The following NRXN1 variants were observed in gnomAD, a reference collection of about 807,000 sequenced individuals.
NRXN1 encodes the protein neurexin 1.
A neutral mutation model predicts 150.9 loss-of-function variants in NRXN1; 39 were observed. That is an observed-to-expected ratio of 0.26 (90% CI 0.20 to 0.34). The LOEUF (loss-of-function observed/expected upper bound fraction) is 0.34, where lower values mean the gene tolerates loss of function less well. Ranked by LOEUF, NRXN1 falls within the 10% of genes least tolerant of loss-of-function variation. The probability of loss-of-function intolerance (pLI) is 1.00; values close to 1 mark genes in which losing one functional copy is unlikely to be tolerated. For synonymous variants in NRXN1, 924 were observed against 757.0 expected, an observed-to-expected ratio of 1.22 and a Z score of -3.62; for missense variants, 1,815 against 1,949.9, an observed-to-expected ratio of 0.93 and a Z score of 1.30.
At chr2:50,490,747 C>G (rs2111068) in intron 15 of NRXN1, among the ~76,000 whole-genome samples, 39,751 of 151,956 alleles carry the variant, frequency 0.26, 6,129 homozygotes, top group South Asian at 0.35. Flanking sequence ...GATTAGGGAG[C>G]AGTGAACATG....
chr2:50,325,374 C>T (rs1330330736), intron 17 of NRXN1, among the ~76,000 whole-genome samples: 1 of 152,130 alleles, frequency 6.6e-6, no homozygotes, highest in Non-Finnish European at 1.5e-5. Flanking sequence ...GTTTGTCATG[C>T]CCCCCACCAG....
chr2:50,461,320 A>T (rs1366080805), intron 17 of NRXN1, among the ~76,000 whole-genome samples: 3 of 151,990 alleles, frequency 2.0e-5, no homozygotes, highest in Admixed American at 2.0e-4. Flanking sequence ...TAGCACCAAA[A>T]TAACAGCACT....
chr2:49,933,305 C>T (rs1024063797), intron 22 of NRXN1, among the ~76,000 whole-genome samples: 5 of 152,068 alleles, frequency 3.3e-5, no homozygotes, highest in Non-Finnish European at 7.4e-5. Context: ...CCAGGATGGT[C>T]TCGATCTCCT....
chr2:50,556,145 T>A (rs1668224113), intron 8 of NRXN1, among the ~76,000 whole-genome samples: 1 of 152,120 alleles, frequency 6.6e-6, no homozygotes, highest in Admixed American at 6.5e-5. Flanking sequence ...GCTCTCAGAT[T>A]TACACTACTA....
intron 17 of NRXN1, among the ~76,000 whole-genome samples, chr2:50,343,178 G>A (rs990542284): frequency 6.6e-6 from 1 of 152,150 alleles, no homozygotes; most frequent in Non-Finnish European, 1.5e-5. Flanking sequence ...AGAAAGGATG[G>A]CACTGGTGGC....
At chr2:50,491,756 C>G (rs775947620) in intron 15 of NRXN1, among the ~76,000 whole-genome samples, 1 of 152,146 alleles carries the variant, frequency 6.6e-6, no homozygotes, top group Non-Finnish European at 1.5e-5. Context: ...CTATGCTACA[C>G]AGCTAGGAAT....
At chr2:50,748,259 C>T (rs1018805143) in intron 5 of NRXN1, among the ~76,000 whole-genome samples, 1 of 152,122 alleles carries the variant, frequency 6.6e-6, no homozygotes, top group Non-Finnish European at 1.5e-5. Context: ...TGCACCCAAC[C>T]GTCCCTGGAA....
chr2:50,784,939 C>A (rs1326378435), intron 5 of NRXN1, among the ~76,000 whole-genome samples: 1 of 152,050 alleles, frequency 6.6e-6, no homozygotes. Flanking sequence ...TGTATCCTCC[C>A]CAAAACTCAC....
chr2:50,026,612 C>T (rs947295466), intron 21 of NRXN1, among the ~76,000 whole-genome samples: 6 of 152,024 alleles, frequency 3.9e-5, no homozygotes, highest in East Asian at 3.9e-4. Context: ...ACAAAGAACA[C>T]ACTTTTCCTG....
intron 2 of NRXN1, among the ~76,000 whole-genome samples, chr2:50,931,013 C>CA (rs2104389989): frequency 6.6e-6 from 1 of 152,232 alleles, no homozygotes; most frequent in African/African-American, 2.4e-5. Context: ...CCCAACTTAC[C>CA]AACCCTTCTA....
intron 5 of NRXN1, among the ~76,000 whole-genome samples, chr2:50,627,390 T>TGTGC (rs1198107332): frequency 1.7e-5 from 2 of 115,554 alleles, no homozygotes; most frequent in Non-Finnish European, 3.9e-5. Context: ...TGTGTGTGTG[T>TGTGC]GTGTGCGCAT....
At chr2:50,532,891 G>A (rs774306810) in intron 10 of NRXN1, among the ~76,000 whole-genome samples, 12 of 152,048 alleles carry the variant, frequency 7.9e-5, no homozygotes, top group Admixed American at 1.3e-4. Flanking sequence ...CATTGGTTCC[G>A]ATAACTCAGG....
intron 2 of NRXN1, among the ~76,000 whole-genome samples, chr2:51,002,172 C>CTTTTCT (rs1700157061): frequency 5.9e-5 from 9 of 151,938 alleles, no homozygotes; most frequent in Admixed American, 5.9e-4. Flanking sequence ...ATATGAAATA[C>CTTTTCT]CTTGTATGCT....
At chr2:50,144,524 A>G (rs1707729397) in intron 18 of NRXN1, among the ~76,000 whole-genome samples, 1 of 151,890 alleles carries the variant, frequency 6.6e-6, no homozygotes, top group African/African-American at 2.4e-5. Context: ...CTCCTAAAAA[A>G]TCACTCATTT....
chr2:50,239,589 C>T (rs971489794), intron 17 of NRXN1, among the ~76,000 whole-genome samples: 4 of 141,998 alleles, frequency 2.8e-5, no homozygotes, highest in South Asian at 2.2e-4. Flanking sequence ...TAAAGATTAA[C>T]GTGCTATCTA....
chr2:50,736,726 C>T (rs947152719), intron 5 of NRXN1, among the ~76,000 whole-genome samples: 5 of 152,116 alleles, frequency 3.3e-5, no homozygotes, highest in African/African-American at 4.8e-5. Context: ...CCTCTCCAGA[C>T]ATGTGGAACT....
chr2:50,561,882 T>C (rs1463254149), intron 8 of NRXN1, among the ~76,000 whole-genome samples: 2 of 152,234 alleles, frequency 1.3e-5, no homozygotes, highest in Non-Finnish European at 2.9e-5. Flanking sequence ...GTGATGAAGA[T>C]ACTTTCCGCA....
At chr2:50,723,427 T>C (rs961122192) in intron 5 of NRXN1, among the ~76,000 whole-genome samples, 9 of 152,172 alleles carry the variant, frequency 5.9e-5, no homozygotes, top group Non-Finnish European at 1.3e-4. Flanking sequence ...ACTAGCTACA[T>C]TACCCATGCA....
intron 5 of NRXN1, among the ~76,000 whole-genome samples, chr2:50,690,022 G>C (rs991223991): frequency 6.6e-6 from 1 of 151,872 alleles, no homozygotes; most frequent in Non-Finnish European, 1.5e-5. Context: ...GAGTAGGTGG[G>C]ATTACAGGTG....
Sources: gnomAD v4.1 joint callset for allele counts (sites outside exome capture counted in the v4.1 genomes callset) on GRCh38, gnomAD v4.1.1 for gene constraint, MANE v1.5 for transcripts, NCBI Gene and HGNC (gene_info 2026-07-23, HGNC 2026-07-21) for gene names.